The following PAOX variants were observed in gnomAD, a reference collection of about 807,000 sequenced individuals.
The protein encoded by PAOX is polyamine oxidase.
PAOX carries 38 observed loss-of-function variants against 39.0 expected under a neutral mutation model. That is an observed-to-expected ratio of 0.97 (90% CI 0.75 to 1.28). PAOX has a LOEUF of 1.28. Among genes scored for constraint, PAOX ranks in the 50% most tolerant of loss-of-function variants. PAOX has a pLI of 0.00. For synonymous variants in PAOX, 311 were observed against 314.4 expected, an observed-to-expected ratio of 0.99 and a Z score of 0.11; for missense variants, 667 against 685.7, an observed-to-expected ratio of 0.97 and a Z score of 0.30.
At position 133,391,413 on chromosome 10, in the gene PAOX, T is replaced by C; in HGVS notation, c.1494T>C (p.Ser498=). 2 of 1,612,940 alleles carry C rather than the reference T, an allele frequency of 1.2e-6. 1 individual carries two copies. The highest frequency in any genetic ancestry group is 1.7e-6 in the Non-Finnish European group (2 of 1,179,966). The change falls in exon 7 of 7, where the codon AGT becomes AGC. Residue 498 remains serine, a synonymous_variant. Transcript: ENST00000278060. Reference sequence around the variant, plus strand: ...GGAGGGAGGCCGACCGCCTCCTCAGTCTGTGGGCCCCGCAGGTGCAGCAGC... The same window carrying C: ...GGAGGGAGGCCGACCGCCTCCTCAGCCTGTGGGCCCCGCAGGTGCAGCAGC... The part of the protein sequence containing the change: ...SGWREADRLL[S]LWAPQVQQPR...
At chr10:133,386,317 G>A (rs7893888) in intron 4 of PAOX, among the ~76,000 whole-genome samples, 133,413 of 151,940 alleles carry the variant, frequency 0.88, 59,569 homozygotes, top group East Asian at 0.97. Flanking sequence ...GAGCCACCAC[G>A]CCCGGCCTTT....
intron 6 of PAOX, chr10:133,390,692 A>G (rs1472542902): frequency 7.7e-6 from 4 of 516,712 alleles, no homozygotes; most frequent in Non-Finnish European, 1.4e-5. Flanking sequence ...CAATCAGCTC[A>G]TGGTCTCTCT....
chr10:133,382,741 C>T (rs1849422241), intron 3 of PAOX: 1 of 150,228 alleles, frequency 6.7e-6, no homozygotes, highest in African/African-American at 2.5e-5. Context: ...GAGATGGTGT[C>T]ATTGCACTCC....
At chr10:133,381,404 A>C in intron 2 of PAOX, 56 bp from the exon 3 acceptor site, 2 of 1,546,650 alleles carry the variant, frequency 1.3e-6, no homozygotes, top group Admixed American at 3.4e-5. Context: ...TATTTCCACC[A>C]GTCCTGCCCT....
chr10:133,391,193 G>A (rs1432214928), intron 6 of PAOX, 119 bp from the exon 7 acceptor site: 24 of 986,518 alleles, frequency 2.4e-5, no homozygotes, highest in Non-Finnish European at 3.7e-5. Context: ...CGTTGGTGGA[G>A]GTGTGTGAGC....
At chr10:133,387,124 C>T (rs1849550132) in intron 4 of PAOX, among the ~76,000 whole-genome samples, 1 of 151,914 alleles carries the variant, frequency 6.6e-6, no homozygotes, top group Non-Finnish European at 1.5e-5. Context: ...ACCAAAAATA[C>T]AAAAAGCTAG....
chr10:133,380,605 T>G, intron 2 of PAOX, 120 bp downstream of exon 2: 1 of 1,324,648 alleles, frequency 7.5e-7, no homozygotes, highest in Non-Finnish European at 1.0e-6. Context: ...GTCCTCCCCA[T>G]TCCGACAGAC....
intron 4 of PAOX, among the ~76,000 whole-genome samples, chr10:133,388,416 G>T (rs781755542): frequency 6.6e-6 from 1 of 152,196 alleles, no homozygotes; most frequent in Non-Finnish European, 1.5e-5. Context: ...AAGGATAATG[G>T]CCTCCAGCTC....
intron 1 of PAOX, chr10:133,379,709 G>A: frequency 1.9e-6 from 1 of 520,490 alleles, no homozygotes; most frequent in Non-Finnish European, 3.0e-6. Context: ...GGCGACCTAC[G>A]GCTCCACAAG....
At chr10:133,379,638 C>T in intron 1 of PAOX, 141 bp downstream of exon 1, 1 of 724,026 alleles carries the variant, frequency 1.4e-6, no homozygotes, top group East Asian at 3.4e-5. Context: ...CTTAATCCGC[C>T]AGAGTTCACC....
chr10:133,385,652 T>C (rs1025746957), intron 4 of PAOX, among the ~76,000 whole-genome samples: 3 of 152,178 alleles, frequency 2.0e-5, no homozygotes, highest in Non-Finnish European at 2.9e-5. Context: ...GGTGCAATCT[T>C]GGCTCACTGC....
intron 3 of PAOX, among the ~76,000 whole-genome samples, chr10:133,382,041 G>A (rs1488149722): frequency 2.0e-5 from 3 of 152,144 alleles, no homozygotes; most frequent in Non-Finnish European, 4.4e-5. Flanking sequence ...TTTAATTCTA[G>A]ATCTGGTGCT....
chr10:133,391,322 T>G lies in PAOX; in HGVS notation c.1403T>G (p.Leu468Arg). ...ADGAGAQLQI[L>R]FAGEATHRTF... ...GGCTCTTCTTTGCAGCTCCAGATCCTGTTTGCGGGGGAAGCCACACATCGC... is the reference window on the plus strand; with the variant it reads ...GGCTCTTCTTTGCAGCTCCAGATCCGGTTTGCGGGGGAAGCCACACATCGC... The change falls in exon 7 of 7, where the codon CTG (leucine) becomes CGG (arginine). Residue 468 changes from leucine (L) to arginine (R), a missense_variant. Physicochemically the swap from Leu to Arg is moderately radical, Grantham distance 102. Coordinates refer to ENST00000278060, the MANE Select transcript of PAOX (RefSeq NM_152911.4). The G allele has an allele frequency of 2.0e-5, 33 of 1,613,564 alleles. No individual in the cohort carries two copies. Among genetic ancestry groups the G allele is most frequent in the Middle Eastern group, 1.6e-4 (1 of 6,062 alleles).
At chr10:133,382,498 C>T (rs1439999324) in intron 3 of PAOX, among the ~76,000 whole-genome samples, 1 of 152,156 alleles carries the variant, frequency 6.6e-6, no homozygotes, top group Non-Finnish European at 1.5e-5. Context: ...ACATCTGCTG[C>T]TGGCTGGGCA....
intron 2 of PAOX, among the ~76,000 whole-genome samples, chr10:133,380,717 C>T (rs1289854662): frequency 6.6e-6 from 1 of 152,210 alleles, no homozygotes; most frequent in Non-Finnish European, 1.5e-5. Context: ...CGGTGGCTCA[C>T]GCCTGTAATC....
In PAOX at chr10:133,380,491, T is replaced by C. The variant is rs766590628; in HGVS notation, c.668+6T>C. ...CTGGACTGCACCTTTTCTAAGTGCGTGCCTGAGCCCCTGCCCCGCCAGTCC... is the reference window on the plus strand; with the variant it reads ...CTGGACTGCACCTTTTCTAAGTGCGCGCCTGAGCCCCTGCCCCGCCAGTCC... On this transcript the variant is annotated splice_donor_region_variant and intron_variant, in intron 2 of 6. Transcript: ENST00000278060. 69 of 1,582,456 alleles carry C rather than the reference T, an allele frequency of 4.4e-5. 4 individuals carry two copies. The South Asian group carries it at 4.7e-4, about 11-fold the overall frequency.
rs1002056303 is a variant in PAOX, at chr10:133,384,836, G to C, written c.1121+624G>C. Among the ~76,000 whole-genome samples the C allele has an allele frequency of 6.6e-6, 1 of 152,174 alleles. No individual in the cohort carries two copies. Among genetic ancestry groups the C allele is most frequent in the Non-Finnish European group, 1.5e-5 (1 of 68,028 alleles). On this transcript the variant is annotated intron_variant, in intron 4 of 6. Coordinates refer to ENST00000278060, the MANE Select transcript of PAOX (RefSeq NM_152911.4). This position sits in a 1 kb window ranked among gnomAD's most constrained non-coding sequence, Gnocchi z 4.3. ...TCCACTGAGAGATGCCGCAGGAGGG[G>C]GCACCAAGTTCTTGTTCTGAAAGAC...
At chr10:133,385,518 G>C (rs1849505922) in intron 4 of PAOX, among the ~76,000 whole-genome samples, 2 of 152,072 alleles carry the variant, frequency 1.3e-5, no homozygotes, top group African/African-American at 4.8e-5. Context: ...ACCTGCAAAG[G>C]GTTGGGGATC....
At position 133,384,937 on chromosome 10, in the gene PAOX, G is replaced by A. The variant is rs995209739; in HGVS notation, c.1121+725G>A. 6.6e-6 allele frequency among the ~76,000 whole-genome samples: 1 copy of A among 152,206 alleles called. No individual in the cohort carries two copies. Among genetic ancestry groups the A allele is most frequent in the African/African-American group, 2.4e-5 (1 of 41,454 alleles). ...CATCCACTGGGAGCAGGAGGCTGCA[G>A]GCTGCAGACCAGCCCTGCACCTGTG... On this transcript the variant is annotated intron_variant, in intron 4 of 6. Transcript: ENST00000278060. This position sits in a 1 kb window ranked among gnomAD's most constrained non-coding sequence, Gnocchi z 4.3.
Sources: gnomAD v4.1 joint callset for allele counts (sites outside exome capture counted in the v4.1 genomes callset) on GRCh38, gnomAD v4.1.1 for gene constraint, Gnocchi (gnomAD v3.1) non-coding constraint, MANE v1.5 for transcripts, NCBI Gene and HGNC (gene_info 2026-07-23, HGNC 2026-07-21) for gene names.